GPAM: variants seen among roughly 807,000 people sequenced by gnomAD.
The protein encoded by GPAM is glycerol-3-phosphate acyltransferase 1, mitochondrial.
A neutral mutation model predicts 105.0 loss-of-function variants in GPAM; 56 were observed. The observed-to-expected ratio is 0.53, with a 90% CI of 0.43 to 0.67. The LOEUF (loss-of-function observed/expected upper bound fraction) is 0.67. Ranked by LOEUF, GPAM falls within the 30% of genes least tolerant of loss-of-function variation. GPAM has a pLI of 0.00. For synonymous variants in GPAM, 368 were observed against 354.4 expected (o/e 1.04, Z -0.43); for missense variants, 855 against 989.8 (o/e 0.86, Z 1.83).
At chr10:112,225,849 C>A in the GPAM span, among the ~76,000 whole-genome samples, 1 of 152,112 alleles carries the variant, frequency 6.6e-6, no homozygotes, top group Non-Finnish European at 1.5e-5. Flanking sequence ...TTGCTCGCTG[C>A]GGTGTTCCCT....
chr10:112,218,917 C>T (rs546873594), upstream of GPAM, among the ~76,000 whole-genome samples: 1 of 152,280 alleles, frequency 6.6e-6, no homozygotes, highest in South Asian at 2.1e-4. Flanking sequence ...CTTTTGTAGC[C>T]ATCTTGGTTT....
chr10:112,161,427 TAATC>T (rs1292167738), intron 15 of GPAM, among the ~76,000 whole-genome samples: 2 of 152,236 alleles, frequency 1.3e-5, no homozygotes, highest in Non-Finnish European at 2.9e-5. Flanking sequence ...TTAACAGTAT[TAATC>T]AAGCAATAGC....
In GPAM at chr10:112,150,446, A is replaced by G. The variant is rs1846895273; in HGVS notation, c.*3104T>C. 1.7e-5 allele frequency: 17 copies of G among 985,628 alleles called. No individual in the cohort carries two copies. In the South Asian group the frequency reaches 8.0e-4, roughly 46 times the overall value. 61.1% of individuals were successfully genotyped at this position (985,628 alleles called of 1,614,324 possible). A position where few individuals can be genotyped will look rare whatever the true frequency, so the allele number is the denominator to read the frequency against. ...ACCTACATTATAATTTTCTGTGCTT[A>G]TTTTCTGCAGGGGAGGAAATACACA... On this transcript the variant is annotated 3_prime_UTR_variant, in exon 22 of 22. Transcript: ENST00000348367.
At position 112,173,773 on chromosome 10, in the gene GPAM, G is replaced by A. The variant is rs34215277; in HGVS notation, c.486C>T (p.Ala162=). The A allele has an allele frequency of 2.5e-5, 41 of 1,613,374 alleles. No individual in the cohort carries two copies. Among genetic ancestry groups the A allele is most frequent in the East Asian group, 6.7e-5 (3 of 44,864 alleles). ...TAGCTTTCTTTTTCACTTTGTTAAC[G>A]GCTTTTGATTGCTGCTGGGCAGAAC... ...PDGSAQQQSK[A]VNKVKKKAKR... The change falls in exon 7 of 22, where the codon GCC becomes GCT. Residue 162 remains alanine, a synonymous_variant. Coordinates refer to ENST00000348367, the MANE Select transcript of GPAM (RefSeq NM_001244949.2).
chr10:112,206,762 A>G (rs1847855145), intron 1 of GPAM, among the ~76,000 whole-genome samples: 1 of 151,336 alleles, frequency 6.6e-6, no homozygotes, highest in Non-Finnish European at 1.5e-5. Context: ...TGGCACATGT[A>G]TACATATGTA....
At chr10:112,194,415 T>G (rs1847699082) in intron 1 of GPAM, among the ~76,000 whole-genome samples, 1 of 152,252 alleles carries the variant, frequency 6.6e-6, no homozygotes, top group South Asian at 2.1e-4. Flanking sequence ...GTCTTTGCTG[T>G]GCTTAAAATT....
At chr10:112,162,680 G>T in intron 14 of GPAM, among the ~76,000 whole-genome samples, 1 of 151,736 alleles carries the variant, frequency 6.6e-6, no homozygotes, top group East Asian at 1.9e-4. Flanking sequence ...TATTTATAAA[G>T]AATTTTTAAA....
Position 112,166,414 on chromosome 10 carries a change from T to C in GPAM, c.1209A>G (p.Pro403=), listed in dbSNP as rs745521076. ...YGCVRVDFAQ[P]FSLKEYLESQ... ...AACAGACACTCACCTTTAAGGAAAA[T>C]GGCTGTGCAAAATCCACTCGGACAC... Residue 403 remains proline (P), a synonymous_variant, in exon 12 of 22, where the codon CCA becomes CCG. Coordinates refer to ENST00000348367, the MANE Select transcript of GPAM (RefSeq NM_001244949.2). The C allele has an allele frequency of 1.0e-5, 16 of 1,578,550 alleles. No individual in the cohort carries two copies. In the Admixed American group the frequency reaches 1.8e-4, roughly 18 times the overall value.
chr10:112,216,733 C>T (rs1299582433), upstream of GPAM, among the ~76,000 whole-genome samples: 2 of 152,034 alleles, frequency 1.3e-5, no homozygotes, highest in Non-Finnish European at 2.9e-5. Flanking sequence ...AAGCGATTCT[C>T]GTGCCTCAGC....
At chr10:112,165,452 T>C (rs1232625519) in intron 12 of GPAM, among the ~76,000 whole-genome samples, 2 of 152,098 alleles carry the variant, frequency 1.3e-5, no homozygotes, top group Non-Finnish European at 2.9e-5. Flanking sequence ...GGGAGGCAGA[T>C]GAGGAGGCGG....
At chr10:112,178,721 T>C (rs1163208088) in intron 4 of GPAM, among the ~76,000 whole-genome samples, 4 of 152,158 alleles carry the variant, frequency 2.6e-5, no homozygotes, top group East Asian at 1.9e-4. Context: ...CTAAGTACCA[T>C]GCAGTTATTG....
chr10:112,217,730 A>G (rs1238396015), upstream of GPAM, among the ~76,000 whole-genome samples: 2 of 152,140 alleles, frequency 1.3e-5, no homozygotes, highest in Non-Finnish European at 2.9e-5. Flanking sequence ...TAGTATTTTT[A>G]TTGCCCTTTC....
intron 14 of GPAM, among the ~76,000 whole-genome samples, chr10:112,163,098 C>G (rs1229217216): frequency 1.3e-5 from 2 of 152,186 alleles, no homozygotes; most frequent in African/African-American, 4.8e-5. Flanking sequence ...GATTTTAAAG[C>G]AGCCTCCACA....
At chr10:112,171,386 T>C (rs1847310472) in intron 9 of GPAM, among the ~76,000 whole-genome samples, 2 of 152,236 alleles carry the variant, frequency 1.3e-5, no homozygotes, top group Non-Finnish European at 2.9e-5. Context: ...ATCTTCTGCC[T>C]GAACTATCCT....
At chr10:112,188,551 C>G (rs1356269685), upstream of GPAM, among the ~76,000 whole-genome samples, 2 of 152,136 alleles carry the variant, frequency 1.3e-5, no homozygotes, top group Admixed American at 6.5e-5. Flanking sequence ...TGATTTTGTT[C>G]AGGACAATCT....
intron 1 of GPAM, among the ~76,000 whole-genome samples, chr10:112,203,753 G>A (rs1847827023): frequency 6.6e-6 from 1 of 152,138 alleles, no homozygotes; most frequent in Non-Finnish European, 1.5e-5. Context: ...TGTCCAACTC[G>A]AGAAAGACCC....
Position 112,150,417 on chromosome 10 carries a change from G to A in GPAM, c.*3133C>T, listed in dbSNP as rs1041369676. 11 of 985,718 alleles carry A rather than the reference G, an allele frequency of 1.1e-5. No homozygotes were observed. Among genetic ancestry groups the A allele is most frequent in the African/African-American group, 1.7e-5 (1 of 57,318 alleles). The allele number at this position is 985,718 out of a possible 1,614,324, so 61.1% of individuals were successfully genotyped here. On this transcript the variant is annotated 3_prime_UTR_variant, in exon 22 of 22. Coordinates refer to ENST00000348367, the MANE Select transcript of GPAM (RefSeq NM_001244949.2). ...TCTCTCTATCAAAGGAAAGAGCTCC[G>A]ATCACCTACATTATAATTTTCTGTG...
intron 9 of GPAM, 24 bp from the exon 10 acceptor site, chr10:112,168,976 T>C (rs759589703): frequency 1.4e-4 from 188 of 1,375,102 alleles, no homozygotes; most frequent in Non-Finnish European, 1.9e-4. Flanking sequence ...ATACATGAAT[T>C]ATTTACAAAG....
the GPAM span, among the ~76,000 whole-genome samples, chr10:112,222,215 T>C: frequency 3.9e-5 from 6 of 152,180 alleles, 1 homozygote; most frequent in South Asian, 1.0e-3. Flanking sequence ...TTATAATGAA[T>C]TGAAAGAAAA....
Sources: gnomAD v4.1 joint callset for allele counts (sites outside exome capture counted in the v4.1 genomes callset) on GRCh38, gnomAD v4.1.1 for gene constraint, MANE v1.5 for transcripts, NCBI Gene and HGNC (gene_info 2026-07-23, HGNC 2026-07-21) for gene names.